Variants in OR6C1 observed in about 807,000 individuals in gnomAD.
OR6C1 encodes olfactory receptor family 6 subfamily C member 1.
For missense variants in OR6C1, 386 were observed against 366.1 expected, an observed-to-expected ratio of 1.05 and a Z score of -0.44; for synonymous variants, 157 against 133.3, an observed-to-expected ratio of 1.18 and a Z score of -1.22.
At position 55,321,585 on chromosome 12, in the gene OR6C1, A is replaced by G; in HGVS notation, c.*47A>G. Reference sequence around the variant, plus strand: ...AGAGGCACAGGAAAGGACAATATGAATTTTCAGTAGCTTCTTCAATCAAAA... The same window carrying G: ...AGAGGCACAGGAAAGGACAATATGAGTTTTCAGTAGCTTCTTCAATCAAAA... On this transcript the variant is annotated 3_prime_UTR_variant, in exon 2 of 2. Coordinates refer to ENST00000642104, the MANE Select transcript of OR6C1 (RefSeq NM_001005182.2). 1.5e-6 allele frequency: 2 copies of G among 1,301,182 alleles called. No individual in the cohort carries two copies. Among genetic ancestry groups the G allele is most frequent in the Non-Finnish European group, 1.1e-6 (1 of 943,968 alleles). The allele number at this position is 1,301,182 out of a possible 1,614,324, so 80.6% of individuals were successfully genotyped here.
In OR6C1 at chr12:55,319,433, A is replaced by G. The variant is rs73118946; in HGVS notation, c.-33-1134A>G. Among the ~76,000 whole-genome samples the G allele has an allele frequency of 6.6e-3, 1,000 of 152,362 alleles. 2 individuals carry two copies. The highest frequency in any genetic ancestry group is 0.011 in the Non-Finnish European group (744 of 68,030). ...AAAAACTTCAATTCAAGGAATACACACAGACCAGGTGGTTTTTCAGTATGT... is the reference window on the plus strand; with the variant it reads ...AAAAACTTCAATTCAAGGAATACACGCAGACCAGGTGGTTTTTCAGTATGT... On this transcript the variant is annotated intron_variant, in intron 1 of 1. Coordinates refer to ENST00000642104, the MANE Select transcript of OR6C1 (RefSeq NM_001005182.2).
chr12:55,320,387 A>C (rs1299736844), intron 1 of OR6C1, among the ~76,000 whole-genome samples, 180 bp from the exon 2 acceptor site: 1 of 152,168 alleles, frequency 6.6e-6, no homozygotes, highest in East Asian at 1.9e-4. Context: ...AACCTGTCTT[A>C]TGTGAAGAGT....
Position 55,321,094 on chromosome 12 carries a change from T to C in OR6C1, c.495T>C (p.His165=), listed in dbSNP as rs373096179. Residue 165 remains histidine, a synonymous_variant, in exon 2 of 2, where the codon CAT becomes CAC. Coordinates refer to ENST00000642104, the MANE Select transcript of OR6C1 (RefSeq NM_001005182.2). ...FPALMLLLKL[H]YCRSNIIDHF... ...CACTCATGTTGCTTTTAAAGCTTCATTACTGTAGGTCTAATATTATTGACC... is the reference window on the plus strand; with the variant it reads ...CACTCATGTTGCTTTTAAAGCTTCACTACTGTAGGTCTAATATTATTGACC... The C allele has an allele frequency of 1.2e-6, 2 of 1,613,432 alleles. No individual in the cohort carries two copies. The highest frequency in any genetic ancestry group is 1.6e-4 in the Middle Eastern group (1 of 6,080).
rs532872318 is a variant in OR6C1 at position 55,322,246 on chromosome 12, T to C, written c.*708T>C. 3 of 152,166 alleles carry C rather than the reference T, an allele frequency of 2.0e-5. No homozygotes were observed. Among genetic ancestry groups the C allele is most frequent in the South Asian group, 4.1e-4 (2 of 4,830 alleles). The allele number at this position is 152,166 out of a possible 1,614,324, so 9.4% of individuals were successfully genotyped here. On this transcript the variant is annotated 3_prime_UTR_variant, in exon 2 of 2. Transcript: ENST00000642104. ...GAATATATAGTATATTCCTAAGATA[T>C]GTTAATTTTCTGTGAGTGGAAAATA...
intron 1 of OR6C1, among the ~76,000 whole-genome samples, chr12:55,314,827 C>T (rs965135144): frequency 2.0e-5 from 3 of 151,502 alleles, no homozygotes; most frequent in Non-Finnish European, 4.4e-5. Flanking sequence ...TCAAATATAG[C>T]TATATAGTAC....
chr12:55,321,162 C>T lies in OR6C1; in HGVS notation c.563C>T (p.Ser188Leu). Residue 188 changes from serine (S) to leucine (L), a missense_variant, in exon 2 of 2, where the codon TCA (serine) becomes TTA (leucine). Transcript: ENST00000642104. Reference protein sequence around the residue: ...DYFPLLQLACSDTKFLEVMGF... With the variant: ...DYFPLLQLACLDTKFLEVMGF... ...TTTCCACTGCTGCAACTTGCTTGTTCAGACACAAAATTCTTAGAGGTGATG... is the reference window on the plus strand; with the variant it reads ...TTTCCACTGCTGCAACTTGCTTGTTTAGACACAAAATTCTTAGAGGTGATG... 4 of 1,613,906 alleles carry T rather than the reference C, an allele frequency of 2.5e-6. No homozygotes were observed. The highest frequency in any genetic ancestry group is 3.4e-6 in the Non-Finnish European group (4 of 1,179,852).
At position 55,320,584 on chromosome 12, in the gene OR6C1, A is replaced by G. The variant is rs1868514353; in HGVS notation, c.-16A>G. The G allele has an allele frequency of 2.0e-6, 3 of 1,476,040 alleles. No individual in the cohort carries two copies. The highest frequency in any genetic ancestry group is 1.9e-5 in the Admixed American group (1 of 51,518). 91.4% of individuals were successfully genotyped at this position (1,476,040 alleles called of 1,614,324 possible). Reference sequence around the variant, plus strand: ...TCTTGTAGGTCTGGCAGGGGAAAAAAGAAAGCAACTGAAGAATGAGAAACC... The same window carrying G: ...TCTTGTAGGTCTGGCAGGGGAAAAAGGAAAGCAACTGAAGAATGAGAAACC... On this transcript the variant is annotated 5_prime_UTR_variant, in exon 2 of 2. Transcript: ENST00000642104.
chr12:55,320,851 T>G lies in OR6C1; in HGVS notation c.252T>G (p.Ile84Met), dbSNP rs763685231. ...VSIPKFLGNI[I>M]SGDKTISFNN... ...TACCCAAGTTTCTGGGTAACATTAT[T>G]TCAGGAGATAAAACCATTTCCTTTA... is the stretch of plus-strand genomic sequence containing the variant. Residue 84 changes from isoleucine to methionine, a missense_variant, in exon 2 of 2, where the codon ATT becomes ATG. Ile to Met is a conservative substitution (Grantham distance 10). Transcript: ENST00000642104. 4 of 1,613,634 alleles carry G rather than the reference T, an allele frequency of 2.5e-6. No individual in the cohort carries two copies. Among genetic ancestry groups the G allele is most frequent in the Non-Finnish European group, 3.4e-6 (4 of 1,179,748 alleles).
chr12:55,317,042 A>G (rs182416331), intron 1 of OR6C1, among the ~76,000 whole-genome samples: 1 of 151,988 alleles, frequency 6.6e-6, no homozygotes, highest in Non-Finnish European at 1.5e-5. Flanking sequence ...TTTACAAAAA[A>G]AGTTGAAATA....
In OR6C1 at chr12:55,318,221, AGTGTGTGTGTGTGTGTGTGT is replaced by A. The variant is rs71070867; in HGVS notation, c.-33-2322_-33-2303del. Among the ~76,000 whole-genome samples the A allele has an allele frequency of 3.8e-3, 493 of 128,658 alleles. 14 individuals carry two copies. In the East Asian group the frequency reaches 0.1, roughly 26 times the overall value. The allele number at this position is 128,658 out of a possible 152,430, so 84.4% of individuals were successfully genotyped here. A position where few individuals can be genotyped will look rare whatever the true frequency, so the allele number is the denominator to read the frequency against. On this transcript the variant is annotated intron_variant, in intron 1 of 1. Coordinates refer to ENST00000642104, the MANE Select transcript of OR6C1 (RefSeq NM_001005182.2). Reference sequence around the variant, plus strand: ...TCAAATCCTGGTTGAAGATAAGTGGAGTGTGTGTGTGTGTGTGTGTGTGTGTGTGTGTGTGTGTGTGTGGT... The same window carrying A: ...TCAAATCCTGGTTGAAGATAAGTGGAGTGTGTGTGTGTGTGTGTGTGTGGT...
chr12:55,321,464 A>C lies in OR6C1; in HGVS notation c.865A>C (p.Ser289Arg), dbSNP rs141094641. The change falls in exon 2 of 2, where the codon AGC (serine) becomes CGC (arginine). Residue 289 changes from serine to arginine, a missense_variant. Coordinates refer to ENST00000642104, the MANE Select transcript of OR6C1 (RefSeq NM_001005182.2). The part of the protein sequence containing the change: ...VAPMMNPFIY[S>R]LRNQQVKQAF... ...CCCCATGATGAACCCCTTTATTTACAGCCTAAGAAATCAGCAAGTCAAGCA... is the reference window on the plus strand; with the variant it reads ...CCCCATGATGAACCCCTTTATTTACCGCCTAAGAAATCAGCAAGTCAAGCA... The C allele has an allele frequency of 5.0e-3, 8,087 of 1,613,282 alleles. 53 individuals carry two copies. Among genetic ancestry groups the C allele is most frequent in the Middle Eastern group, 0.032 (194 of 6,056 alleles).
intron 1 of OR6C1, among the ~76,000 whole-genome samples, chr12:55,317,878 TACAATGTATTACCC>T (rs999399862): frequency 5.2e-4 from 77 of 149,074 alleles, no homozygotes; most frequent in African/African-American, 1.8e-3. Context: ...GGGATGTCAT[TACAATGTATTACCC>T]ACAATGTATT....
chr12:55,314,823 A>G (rs1405435773), intron 1 of OR6C1, among the ~76,000 whole-genome samples: 3 of 151,690 alleles, frequency 2.0e-5, no homozygotes, highest in Non-Finnish European at 4.4e-5. Flanking sequence ...TTAATCAAAT[A>G]TAGCTATATA....
rs1400690062 is a variant in OR6C1, at chr12:55,320,763, C to A, written c.164C>A (p.Thr55Asn). The A allele has an allele frequency of 1.2e-6, 2 of 1,614,048 alleles. No homozygotes were observed. The highest frequency in any genetic ancestry group is 2.2e-5 in the East Asian group (1 of 44,872). ...TITLLDSHLQ[T>N]PMYFFLRNFS... ...ACCCTGCTGGATTCCCACCTGCAGA[C>A]CCCCATGTATTTCTTCCTCAGAAAT... is the stretch of plus-strand genomic sequence containing the variant. Residue 55 changes from threonine to asparagine, a missense_variant, in exon 2 of 2, where the codon ACC becomes AAC. Physicochemically the swap from Thr to Asn is moderately conservative, Grantham distance 65. Transcript: ENST00000642104.
chr12:55,317,891 C>A, intron 1 of OR6C1, among the ~76,000 whole-genome samples: 1 of 146,276 alleles, frequency 6.8e-6, no homozygotes, highest in African/African-American at 2.5e-5. Flanking sequence ...AATGTATTAC[C>A]CACAATGTAT....
rs1868550135 is a variant in OR6C1, at chr12:55,321,322, C to A, written c.723C>A (p.Ser241=). 6.2e-7 allele frequency: 1 copy of A among 1,613,372 alleles called. No homozygotes were observed. The highest frequency in any genetic ancestry group is 1.1e-5 in the South Asian group (1 of 91,032). ...QRTKAFSTCS[S]HMVVVSISYG... ...CAAAGGCCTTTTCCACATGTTCTTC[C>A]CACATGGTTGTTGTCTCCATCTCTT... The change falls in exon 2 of 2, where the codon TCC becomes TCA. Residue 241 remains serine, a synonymous_variant. Coordinates refer to ENST00000642104, the MANE Select transcript of OR6C1 (RefSeq NM_001005182.2).
At position 55,321,727 on chromosome 12, in the gene OR6C1, C is replaced by T. The variant is rs997718446; in HGVS notation, c.*189C>T. On this transcript the variant is annotated 3_prime_UTR_variant, in exon 2 of 2. Coordinates refer to ENST00000642104, the MANE Select transcript of OR6C1 (RefSeq NM_001005182.2). ...TTTTCTTGTGTCTTCCTGACACCCC[C>T]TCCTTTGAACAATTTTTTGTAAAAT... 10 of 408,076 alleles carry T rather than the reference C, an allele frequency of 2.5e-5. No homozygotes were observed. Among genetic ancestry groups the T allele is most frequent in the African/African-American group, 6.2e-5 (3 of 48,550 alleles). 25.3% of individuals were successfully genotyped at this position (408,076 alleles called of 1,614,324 possible).
intron 1 of OR6C1, among the ~76,000 whole-genome samples, chr12:55,317,741 G>T (rs1868433161): frequency 6.6e-6 from 1 of 151,756 alleles, no homozygotes; most frequent in African/African-American, 2.4e-5. Context: ...GAGTAACAGA[G>T]GAGTTAACAG....
At chr12:55,319,764 CTG>C (rs1373213048) in intron 1 of OR6C1, among the ~76,000 whole-genome samples, 1 of 152,182 alleles carries the variant, frequency 6.6e-6, no homozygotes, top group African/African-American at 2.4e-5. Flanking sequence ...CATCTTGACC[CTG>C]TGTTGGTTGG....
Sources: allele counts gnomAD v4.1 joint callset (sites outside exome capture counted in the v4.1 genomes callset), GRCh38; gene constraint gnomAD v4.1.1; transcripts MANE v1.5; gene names NCBI Gene and HGNC (gene_info 2026-07-23, HGNC 2026-07-21).